RCOR1: variants seen among roughly 807,000 people sequenced by gnomAD.
RCOR1 encodes REST corepressor 1.
A neutral mutation model predicts 64.0 loss-of-function variants in RCOR1; 12 were observed. That is an observed-to-expected ratio of 0.19 (90% CI 0.12 to 0.30). The LOEUF is 0.30. RCOR1 is among the 10% of genes least tolerant of loss of function. The pLI, the probability that RCOR1 is intolerant of heterozygous loss-of-function variation, is 1.00. For synonymous variants in RCOR1, 279 were observed against 227.2 expected (o/e 1.23, Z -2.05); for missense variants, 502 against 621.2 (o/e 0.81, Z 2.04).
chr14:102,617,822 T>C (rs2095263176), intron 2 of RCOR1, among the ~76,000 whole-genome samples: 1 of 151,970 alleles, frequency 6.6e-6, no homozygotes, highest in Admixed American at 6.6e-5. Flanking sequence ...ACTCCTGACC[T>C]TGTGATCTGC....
At chr14:102,617,711 T>C (rs981957804) in intron 2 of RCOR1, among the ~76,000 whole-genome samples, 1 of 149,588 alleles carries the variant, frequency 6.7e-6, no homozygotes, top group Non-Finnish European at 1.5e-5. Context: ...TGCCTCAGGC[T>C]CCCAAGTAGC....
At chr14:102,634,372 C>G (rs1894188401) in intron 2 of RCOR1, among the ~76,000 whole-genome samples, 1 of 151,236 alleles carries the variant, frequency 6.6e-6, no homozygotes, top group Non-Finnish European at 1.5e-5. Flanking sequence ...AAAACCCTGT[C>G]TCAAAAACCA....
intron 2 of RCOR1, among the ~76,000 whole-genome samples, chr14:102,664,296 G>C (rs1017189672): frequency 6.6e-6 from 1 of 151,826 alleles, no homozygotes; most frequent in Non-Finnish European, 1.5e-5. Context: ...TGCATTTTTA[G>C]TAGAGCCAGG....
rs747961008 is a variant in RCOR1, at chr14:102,592,950, GCCGCCT to G, written c.76_81del (p.Ser26_Ala27del). The G allele has an allele frequency of 3.7e-5, 44 of 1,189,252 alleles. No individual in the cohort carries two copies. Among genetic ancestry groups the G allele is most frequent in the Middle Eastern group, 6.7e-4 (2 of 2,988 alleles). The allele number at this position is 1,189,252 out of a possible 1,614,324, so 73.7% of individuals were successfully genotyped here. ...GAAGCGGAGAGGGAGGAACAACGCG[GCCGCCT>G]CCGCCTCCGCCGCCGCCGCCTCCGC... On this transcript the variant is annotated inframe_deletion, in exon 1 of 12. Transcript: ENST00000262241.
At position 102,592,978 on chromosome 14, in the gene RCOR1, C is replaced by A; in HGVS notation, c.92C>A (p.Ser31Tyr). The change falls in exon 1 of 12, where the codon TCC becomes TAC. Residue 31 changes from serine to tyrosine, a missense_variant. By Grantham distance (144) the Ser-to-Tyr change is moderately radical. This residue lies in a region of RCOR1 where 242 missense variants were observed against 204.9 expected (regional missense o/e 1.18). Coordinates refer to ENST00000262241, the MANE Select transcript of RCOR1 (RefSeq NM_015156.4). ...GCCTCCGCCTCCGCCGCCGCCGCCT[C>A]CGCCGCCGCCTCGGCCGCCTGCGCC... ...AAASASAAAA[S>Y]AAASAACASP... 3 of 1,157,282 alleles carry A rather than the reference C, an allele frequency of 2.6e-6. No homozygotes were observed. Among genetic ancestry groups the A allele is most frequent in the Non-Finnish European group, 2.1e-6 (2 of 939,016 alleles). The allele number at this position is 1,157,282 out of a possible 1,614,324, so 71.7% of individuals were successfully genotyped here. A position where few individuals can be genotyped will look rare whatever the true frequency, so the allele number is the denominator to read the frequency against.
chr14:102,681,520 G>A (rs2139960716), intron 2 of RCOR1, among the ~76,000 whole-genome samples: 1 of 152,302 alleles, frequency 6.6e-6, no homozygotes, highest in Middle Eastern at 3.4e-3. Flanking sequence ...AGAATTTTGG[G>A]ATTTCTATTG....
intron 10 of RCOR1, 77 bp from the exon 11 acceptor site, chr14:102,722,110 A>C: frequency 9.8e-7 from 1 of 1,017,006 alleles, no homozygotes; most frequent in Non-Finnish European, 1.5e-6. Context: ...TATCTGGATA[A>C]AGAGGTAAGT....
chr14:102,655,480 G>GT, intron 2 of RCOR1: 11 of 980,486 alleles, frequency 1.1e-5, no homozygotes, highest in Non-Finnish European at 1.2e-5. Context: ...ATTTTCCTAT[G>GT]TTTTTTATAG....
intron 2 of RCOR1, among the ~76,000 whole-genome samples, chr14:102,656,600 T>G (rs1188994939): frequency 1.3e-5 from 2 of 151,826 alleles, no homozygotes; most frequent in Non-Finnish European, 2.9e-5. Context: ...CCTAGGTAAC[T>G]GGGACTGCAG....
rs1896168607 is a variant in RCOR1, at chr14:102,721,562, A to AT, written c.1189+185_1189+186insT. The AT allele has an allele frequency of 1.2e-4, 49 of 408,004 alleles. No individual in the cohort carries two copies. The Middle Eastern group carries it at 1.9e-3, about 16-fold the overall frequency. The allele number at this position is 408,004 out of a possible 1,614,324, so 25.3% of individuals were successfully genotyped here. ...GGAGACCCTGACTTTAAAAAAAAAA[A>AT]ATTTTTTTTTTAATGGAAAAAAAAG... On this transcript the variant is annotated intron_variant, in intron 10 of 11. Coordinates refer to ENST00000262241, the MANE Select transcript of RCOR1 (RefSeq NM_015156.4).
At chr14:102,696,342 CT>C (rs1329675764) in intron 3 of RCOR1, among the ~76,000 whole-genome samples, 2 of 152,182 alleles carry the variant, frequency 1.3e-5, no homozygotes, top group Admixed American at 1.3e-4. Context: ...CACATTCTGT[CT>C]TTAAGTGATA....
intron 2 of RCOR1, among the ~76,000 whole-genome samples, chr14:102,616,986 A>G (rs1018841794): frequency 1.9e-4 from 29 of 152,186 alleles, no homozygotes; most frequent in Admixed American, 5.9e-4. Context: ...AAGACACATT[A>G]CTTTGAAGAT....
At chr14:102,673,953 C>T (rs1478398729) in intron 2 of RCOR1, among the ~76,000 whole-genome samples, 1 of 152,190 alleles carries the variant, frequency 6.6e-6, no homozygotes, top group Non-Finnish European at 1.5e-5. Flanking sequence ...CTATTTTTGT[C>T]CTATAGACGA....
rs1893162276 is a variant in RCOR1, at chr14:102,593,005, C to T, written c.119C>T (p.Ser40Leu). 2 of 1,195,702 alleles carry T rather than the reference C, an allele frequency of 1.7e-6. No homozygotes were observed. 74.1% of individuals were successfully genotyped at this position (1,195,702 alleles called of 1,614,324 possible). ...GCCGCCGCCTCGGCCGCCTGCGCCT[C>T]GCCAGCCGCCACTGCCGCCTCGGGC... ...ASAAASAACA[S>L]PAATAASGAA... is the part of the protein sequence containing the mutation. The change falls in exon 1 of 12, where the codon TCG (serine) becomes TTG (leucine). Residue 40 changes from serine (S) to leucine (L), a missense_variant. By Grantham distance (145) the Ser-to-Leu change is moderately radical. Transcript: ENST00000262241.
intron 2 of RCOR1, among the ~76,000 whole-genome samples, chr14:102,629,211 G>A (rs926139965): frequency 3.3e-5 from 5 of 152,108 alleles, no homozygotes; most frequent in Middle Eastern, 3.2e-3. Flanking sequence ...CTTGCCACGT[G>A]TACTGAAATG....
chr14:102,709,329 C>T (rs1895914302), intron 6 of RCOR1, among the ~76,000 whole-genome samples: 1 of 152,116 alleles, frequency 6.6e-6, no homozygotes, highest in Non-Finnish European at 1.5e-5. Context: ...GTTTGAAGTC[C>T]AGAAGGCAGC....
At chr14:102,606,086 T>G (rs1454666018) in intron 2 of RCOR1, among the ~76,000 whole-genome samples, 1 of 152,058 alleles carries the variant, frequency 6.6e-6, no homozygotes, top group Non-Finnish European at 1.5e-5. Flanking sequence ...CCACCATGCC[T>G]GGCTAATTTT....
intron 2 of RCOR1, among the ~76,000 whole-genome samples, chr14:102,595,113 C>T (rs961113052): frequency 3.3e-5 from 5 of 152,168 alleles, no homozygotes; most frequent in Admixed American, 6.5e-5. Flanking sequence ...TTATACTTTT[C>T]TTTGAAACAG....
intron 2 of RCOR1, among the ~76,000 whole-genome samples, chr14:102,647,129 G>A (rs1291870406): frequency 2.0e-5 from 3 of 151,910 alleles, no homozygotes; most frequent in Admixed American, 1.3e-4. Flanking sequence ...CCCAGCGCAG[G>A]GAATAAAAGA....
Sources: gnomAD v4.1 joint callset for allele counts (sites outside exome capture counted in the v4.1 genomes callset) on GRCh38, gnomAD v4.1.1 for gene constraint, gnomAD v4.1.1 regional missense constraint, MANE v1.5 for transcripts, NCBI Gene and HGNC (gene_info 2026-07-23, HGNC 2026-07-21) for gene names.